Variants in RPRD1A observed in about 807,000 individuals in gnomAD.
RPRD1A encodes regulation of nuclear pre-mRNA domain containing 1A, also known as regulation of nuclear pre-mRNA domain-containing protein 1A.
RPRD1A carries 9 observed loss-of-function variants against 37.8 expected under a neutral mutation model. The ratio of observed to expected loss-of-function variants is 0.24; its 90% CI spans 0.14 to 0.42. RPRD1A has a LOEUF of 0.42. Ranked by LOEUF, RPRD1A falls within the 10% of genes least tolerant of loss-of-function variation. The pLI, the probability that RPRD1A is intolerant of heterozygous loss-of-function variation, is 1.00. For synonymous variants in RPRD1A, 138 were observed against 139.7 expected (o/e 0.99, Z 0.08); for missense variants, 255 against 371.0 (o/e 0.69, Z 2.57).
Position 36,033,852 on chromosome 18 carries a change from A to C in RPRD1A, c.152-15T>G, listed in dbSNP as rs1911992809. 1.3e-6 allele frequency: 2 copies of C among 1,590,498 alleles called. No homozygotes were observed. The highest frequency in any genetic ancestry group is 1.7e-6 in the Non-Finnish European group (2 of 1,170,766). The stretch of plus-strand genomic sequence containing the variant: ...GTTTGGTTTGGCTGAAAAATAAGAA[A>C]AAGTTAAAAATCTACTTAAAACATC... On this transcript the variant is annotated splice_polypyrimidine_tract_variant and intron_variant, in intron 1 of 6. Coordinates refer to ENST00000399022, the MANE Select transcript of RPRD1A (RefSeq NM_018170.5).
intron 2 of RPRD1A, among the ~76,000 whole-genome samples, chr18:36,033,507 C>T (rs1911961985): frequency 6.6e-6 from 1 of 151,992 alleles, no homozygotes; most frequent in Non-Finnish European, 1.5e-5. Context: ...CCCACCTTAG[C>T]AACAGTTCAA....
intron 6 of RPRD1A, among the ~76,000 whole-genome samples, chr18:36,013,881 C>G (rs1391878451): frequency 6.6e-6 from 1 of 152,010 alleles, no homozygotes; most frequent in Non-Finnish European, 1.5e-5. Context: ...ACAAAATGAT[C>G]TATCTAGAAT....
At chr18:35,993,335 G>A in intron 6 of RPRD1A, 35 bp from the exon 7 acceptor site, 1 of 1,609,296 alleles carries the variant, frequency 6.2e-7, no homozygotes, top group Non-Finnish European at 8.5e-7. Context: ...AGCATTCAGG[G>A]ATTGAAAAAA....
At chr18:36,000,575 A>G (rs1909355483) in intron 6 of RPRD1A, among the ~76,000 whole-genome samples, 1 of 152,220 alleles carries the variant, frequency 6.6e-6, no homozygotes, top group Non-Finnish European at 1.5e-5. Context: ...TTATTAGGGT[A>G]GATGTTACAA....
chr18:36,009,052 T>C (rs1407604165), intron 6 of RPRD1A, among the ~76,000 whole-genome samples: 3 of 149,270 alleles, frequency 2.0e-5, no homozygotes, highest in Admixed American at 2.0e-4. Flanking sequence ...TTCACATTAC[T>C]ATAATTTTTT....
intron 1 of RPRD1A, among the ~76,000 whole-genome samples, chr18:36,042,854 T>C (rs768977494): frequency 2.6e-5 from 4 of 152,180 alleles, no homozygotes; most frequent in Non-Finnish European, 4.4e-5. Context: ...CATAAATTAA[T>C]ACAACCTCTC....
intron 1 of RPRD1A, among the ~76,000 whole-genome samples, chr18:36,065,828 T>C (rs1156983342): frequency 1.3e-5 from 2 of 152,244 alleles, no homozygotes; most frequent in Non-Finnish European, 2.9e-5. Flanking sequence ...TATCATTTAT[T>C]GACCTTTCAG....
chr18:36,044,785 G>A (rs1912837147), intron 1 of RPRD1A, among the ~76,000 whole-genome samples: 1 of 151,928 alleles, frequency 6.6e-6, no homozygotes, highest in African/African-American at 2.4e-5. Flanking sequence ...AGGACATCTT[G>A]GCACGCTACA....
intron 2 of RPRD1A, among the ~76,000 whole-genome samples, chr18:36,032,919 A>T (rs1479438310): frequency 6.6e-6 from 1 of 152,192 alleles, no homozygotes; most frequent in East Asian, 1.9e-4. Context: ...AACAAAAAAA[A>T]ATCTGGACTG....
intron 5 of RPRD1A, 41 bp from the exon 6 acceptor site, chr18:36,027,116 A>T: frequency 6.2e-7 from 1 of 1,612,062 alleles, no homozygotes; most frequent in Non-Finnish European, 8.5e-7. Context: ...TACAACAAAA[A>T]CAATGACATA....
chr18:36,015,348 G>C (rs1910478063), intron 6 of RPRD1A, among the ~76,000 whole-genome samples: 1 of 151,846 alleles, frequency 6.6e-6, no homozygotes. Flanking sequence ...AAATAGCTGG[G>C]ACTACAGGTG....
intron 2 of RPRD1A, among the ~76,000 whole-genome samples, chr18:36,032,167 G>C (rs1389721097): frequency 6.6e-6 from 1 of 151,976 alleles, no homozygotes; most frequent in African/African-American, 2.4e-5. Flanking sequence ...TGTATTTCTT[G>C]CTAGCATTTG....
chr18:35,996,437 C>T (rs1175721107), intron 6 of RPRD1A, among the ~76,000 whole-genome samples: 1 of 152,026 alleles, frequency 6.6e-6, no homozygotes, highest in Non-Finnish European at 1.5e-5. Flanking sequence ...ACGCTGGTTT[C>T]CCTTCAGGTA....
intron 4 of RPRD1A, among the ~76,000 whole-genome samples, chr18:36,030,088 G>C (rs1483542599): frequency 5.9e-5 from 9 of 151,344 alleles, no homozygotes; most frequent in Non-Finnish European, 1.3e-4. Flanking sequence ...TTACAGGCGT[G>C]AGCCACTGCG....
intron 1 of RPRD1A, among the ~76,000 whole-genome samples, chr18:36,041,557 A>C (rs1424724892): frequency 2.6e-5 from 4 of 152,192 alleles, no homozygotes; most frequent in Non-Finnish European, 5.9e-5. Context: ...AAAAACACAC[A>C]CTTGTGGAAA....
intron 6 of RPRD1A, among the ~76,000 whole-genome samples, chr18:36,024,309 G>T (rs909625127): frequency 1.6e-4 from 23 of 147,224 alleles, no homozygotes; most frequent in African/African-American, 5.6e-4. Context: ...ACCACACCTG[G>T]TTAATTTTTT....
intron 1 of RPRD1A, among the ~76,000 whole-genome samples, chr18:36,059,767 T>A (rs2088868969): frequency 6.6e-6 from 1 of 152,206 alleles, no homozygotes; most frequent in Non-Finnish European, 1.5e-5. Context: ...TCAATTGCAA[T>A]AAATGAACTT....
At chr18:36,010,884 T>C (rs1568119638) in intron 6 of RPRD1A, among the ~76,000 whole-genome samples, 1 of 152,224 alleles carries the variant, frequency 6.6e-6, no homozygotes, top group Admixed American at 6.5e-5. Context: ...CTCAAAAAAC[T>C]GATTCAACAT....
intron 6 of RPRD1A, among the ~76,000 whole-genome samples, chr18:36,016,950 G>C (rs2144228881): frequency 6.6e-6 from 1 of 152,110 alleles, no homozygotes; most frequent in East Asian, 1.9e-4. Flanking sequence ...AATTTTGGAT[G>C]GTATCTGCAT....
Sources: allele counts gnomAD v4.1 joint callset (sites outside exome capture counted in the v4.1 genomes callset), GRCh38; gene constraint gnomAD v4.1.1; transcripts MANE v1.5; gene names NCBI Gene and HGNC (gene_info 2026-07-23, HGNC 2026-07-21).